TMEFF2: variants seen among roughly 807,000 people sequenced by gnomAD.
TMEFF2 encodes the protein transmembrane protein with EGF like and two follistatin like domains 2.
TMEFF2 carries 28 observed loss-of-function variants against 53.8 expected under a neutral mutation model. The ratio of observed to expected loss-of-function variants is 0.52; its 90% confidence interval spans 0.39 to 0.71. The LOEUF is 0.71. Among genes scored for constraint, TMEFF2 ranks in the 30% least tolerant of loss-of-function variants. The pLI, the probability that TMEFF2 is intolerant of heterozygous loss-of-function variation, is 0.00. For synonymous variants in TMEFF2, 162 were observed against 166.3 expected (o/e 0.97, Z 0.20); for missense variants, 353 against 455.2 (o/e 0.78, Z 2.04).
At chr2:192,171,095 G>A (rs778564964) in intron 4 of TMEFF2, among the ~76,000 whole-genome samples, 2 of 152,020 alleles carry the variant, frequency 1.3e-5, no homozygotes, top group East Asian at 3.9e-4. Context: ...ACATTCCTAT[G>A]CCTTAAATAC....
rs116575308 is a variant in TMEFF2 at position 192,169,344 on chromosome 2, G to A, written c.439+10324C>T. Reference sequence around the variant, plus strand: ...AATAGAAGAACATTAGCAAAGCATGGAGGTATGCAATCAATTGATGGTCTA... The same window carrying A: ...AATAGAAGAACATTAGCAAAGCATGAAGGTATGCAATCAATTGATGGTCTA... On this transcript the variant is annotated intron_variant, in intron 4 of 9. Transcript: ENST00000272771. 2.9e-3 allele frequency among the ~76,000 whole-genome samples: 440 copies of A among 152,212 alleles called. 1 individual carries two copies. Among genetic ancestry groups the A allele is most frequent in the African/African-American group, 9.8e-3 (407 of 41,552 alleles).
chr2:191,978,673 A>G (rs1014804386), intron 7 of TMEFF2, among the ~76,000 whole-genome samples: 5 of 152,150 alleles, frequency 3.3e-5, no homozygotes, highest in Non-Finnish European at 5.9e-5. Flanking sequence ...TATAAGGGCC[A>G]GGGCAGGCTT....
At chr2:192,075,106 A>G (rs1688377449) in intron 4 of TMEFF2, among the ~76,000 whole-genome samples, 1 of 151,140 alleles carries the variant, frequency 6.6e-6, no homozygotes, top group South Asian at 2.1e-4. Context: ...CTGTGGCTTG[A>G]GGTTCCACAG....
intron 4 of TMEFF2, among the ~76,000 whole-genome samples, chr2:192,085,609 T>G (rs573505160): frequency 6.6e-6 from 1 of 151,700 alleles, no homozygotes; most frequent in Non-Finnish European, 1.5e-5. Flanking sequence ...CTATCTCAAC[T>G]ATGAAATCTT....
Position 191,978,912 on chromosome 2 carries a change from C to T in TMEFF2, c.745+19350G>A, listed in dbSNP as rs979067997. The stretch of plus-strand genomic sequence containing the variant: ...TTGTAAAAATAATACCAGGGCACCT[C>T]GTCTCCAGGAATGGGCTGCCTATTC... On this transcript the variant is annotated intron_variant, in intron 7 of 9. Transcript: ENST00000272771. 3.3e-5 allele frequency among the ~76,000 whole-genome samples: 5 copies of T among 152,252 alleles called. No individual in the cohort carries two copies. The East Asian group carries it at 9.6e-4, about 29-fold the overall frequency.
chr2:191,962,487 A>G (rs1244003655), intron 7 of TMEFF2, among the ~76,000 whole-genome samples: 1 of 152,232 alleles, frequency 6.6e-6, no homozygotes, highest in Non-Finnish European at 1.5e-5. Flanking sequence ...TGGAAAAAGT[A>G]CCAGCATCTG....
At chr2:192,045,681 T>G (rs1687601604) in intron 5 of TMEFF2, among the ~76,000 whole-genome samples, 1 of 152,076 alleles carries the variant, frequency 6.6e-6, no homozygotes, top group Non-Finnish European at 1.5e-5. Flanking sequence ...AAGACCAACC[T>G]GGCTACAGCC....
intron 4 of TMEFF2, among the ~76,000 whole-genome samples, chr2:192,153,129 A>C (rs545365942): frequency 8.6e-4 from 130 of 151,612 alleles, no homozygotes; most frequent in African/African-American, 3.1e-3. Flanking sequence ...ACTCTTTTTA[A>C]TAAATCTAAG....
chr2:191,974,723 C>A (rs753179151), intron 7 of TMEFF2, among the ~76,000 whole-genome samples: 3 of 151,914 alleles, frequency 2.0e-5, no homozygotes, highest in Non-Finnish European at 2.9e-5. Flanking sequence ...ATAAAAGCTG[C>A]TCTAAAATAT....
At position 192,034,068 on chromosome 2, in the gene TMEFF2, A is replaced by G. The variant is rs543815922; in HGVS notation, c.536+23611T>C. ...CAAGCGCCTGTAGTCCCAGCTACTC[A>G]GGAGGCTGAGGAAGGAGAATGGCGT... On this transcript the variant is annotated intron_variant, in intron 5 of 9. Transcript: ENST00000272771. 1.8e-3 allele frequency among the ~76,000 whole-genome samples: 268 copies of G among 151,308 alleles called. 1 individual carries two copies. Among genetic ancestry groups the G allele is most frequent in the African/African-American group, 5.6e-3 (232 of 41,206 alleles).
At chr2:192,037,686 G>A (rs1431280845) in intron 5 of TMEFF2, among the ~76,000 whole-genome samples, 3 of 151,494 alleles carry the variant, frequency 2.0e-5, no homozygotes, top group East Asian at 3.9e-4. Flanking sequence ...CTGAGAATTT[G>A]GCACTTATCT....
intron 5 of TMEFF2, among the ~76,000 whole-genome samples, chr2:192,006,901 TTAGA>T (rs1686512609): frequency 6.6e-6 from 1 of 152,200 alleles, no homozygotes; most frequent in Admixed American, 6.5e-5. Flanking sequence ...TGGAGTTATA[TTAGA>T]TACTCTTTCT....
chr2:192,110,367 A>G (rs1448164500), intron 4 of TMEFF2, among the ~76,000 whole-genome samples: 1 of 152,156 alleles, frequency 6.6e-6, no homozygotes, highest in East Asian at 1.9e-4. Context: ...GTGGAGTTAG[A>G]GGATATAGAC....
chr2:192,058,253 C>A (rs1489554455), intron 4 of TMEFF2, among the ~76,000 whole-genome samples: 1 of 151,898 alleles, frequency 6.6e-6, no homozygotes, highest in Non-Finnish European at 1.5e-5. Context: ...TTAGATAATG[C>A]CCCCATTTTT....
intron 5 of TMEFF2, among the ~76,000 whole-genome samples, chr2:192,003,750 CACACAAAT>C (rs1263275200): frequency 6.6e-6 from 1 of 152,160 alleles, no homozygotes; most frequent in African/African-American, 2.4e-5. Flanking sequence ...TACACACAAA[CACACAAAT>C]GTATAGCTCA....
chr2:191,996,735 T>TA lies in TMEFF2; in HGVS notation c.745+1526dup, dbSNP rs964394630. Reference sequence around the variant, plus strand: ...TATGATTACAGTATTGTAACTTTGTTAAAAAATTGTTGATTTTTTTTCAAG... The same window carrying TA: ...TATGATTACAGTATTGTAACTTTGTTAAAAAAATTGTTGATTTTTTTTCAAG... On this transcript the variant is annotated intron_variant, in intron 7 of 9. Coordinates refer to ENST00000272771, the MANE Select transcript of TMEFF2 (RefSeq NM_016192.4). Among the ~76,000 whole-genome samples, 14 of 152,024 alleles carry TA rather than the reference T, an allele frequency of 9.2e-5. 1 individual carries two copies. Among genetic ancestry groups the TA allele is most frequent in the Admixed American group, 9.2e-4 (14 of 15,220 alleles).
chr2:192,155,577 T>C (rs1574420558), intron 4 of TMEFF2, among the ~76,000 whole-genome samples: 2 of 151,960 alleles, frequency 1.3e-5, no homozygotes, highest in African/African-American at 2.4e-5. Flanking sequence ...TAGCTGCTAA[T>C]TGGACAAGAG....
Position 192,072,863 on chromosome 2 carries a change from G to A in TMEFF2, c.440-15088C>T, listed in dbSNP as rs537673133. ...ACTGCATCATATTCATTTTTTTCAG[G>A]AAAACCACCTCTATATAGGAATACC... On this transcript the variant is annotated intron_variant, in intron 4 of 9. Transcript: ENST00000272771. Among the ~76,000 whole-genome samples, 34 of 151,760 alleles carry A rather than the reference G, an allele frequency of 2.2e-4. No homozygotes were observed. The South Asian group carries it at 2.9e-3, about 13-fold the overall frequency.
At position 191,949,087 on chromosome 2, in the gene TMEFF2, T is replaced by G; in HGVS notation, c.*1224A>C. ...AGAGCTTTATTTAAATTTACTGTGTTAGCCATGGAAAGCTTTGCAGAGCTA... is the reference window on the plus strand; with the variant it reads ...AGAGCTTTATTTAAATTTACTGTGTGAGCCATGGAAAGCTTTGCAGAGCTA... On this transcript the variant is annotated 3_prime_UTR_variant, in exon 10 of 10. Transcript: ENST00000272771. 2 of 985,260 alleles carry G rather than the reference T, an allele frequency of 2.0e-6. No individual in the cohort carries two copies. Among genetic ancestry groups the G allele is most frequent in the Non-Finnish European group, 2.4e-6 (2 of 829,812 alleles). 61.0% of individuals were successfully genotyped at this position (985,260 alleles called of 1,614,324 possible).
Sources: gnomAD v4.1 joint callset for allele counts (sites outside exome capture counted in the v4.1 genomes callset) on GRCh38, gnomAD v4.1.1 for gene constraint, MANE v1.5 for transcripts, NCBI Gene and HGNC (gene_info 2026-07-23, HGNC 2026-07-21) for gene names.